Variants in PHF8 observed in about 807,000 individuals in gnomAD.
The protein encoded by PHF8 is histone lysine demethylase PHF8.
In PHF8, 9 loss-of-function variants were observed where a neutral mutation model predicts 74.4. That is an observed-to-expected ratio of 0.12 (90% CI 0.07 to 0.21). The LOEUF (loss-of-function observed/expected upper bound fraction) is 0.21, where lower values mean the gene tolerates loss of function less well. Ranked by LOEUF, PHF8 falls within the 10% of genes least tolerant of loss-of-function variation. The probability of loss-of-function intolerance (pLI) is 1.00; values close to 1 mark genes in which losing one functional copy is unlikely to be tolerated. For synonymous variants in PHF8, 311 were observed against 316.6 expected, an observed-to-expected ratio of 0.98 and a Z score of 0.19; for missense variants, 478 against 816.6, an observed-to-expected ratio of 0.59 and a Z score of 5.05.
intron 7 of PHF8, among the ~76,000 whole-genome samples, chrX:54,013,674 T>C (rs1183438512): frequency 9.1e-6 from 1 of 109,429 alleles, no homozygotes; most frequent in African/African-American, 3.3e-5. Flanking sequence ...AAAAATTAGC[T>C]AGGCGTGGTG....
At chrX:54,016,539 A>G (rs1169834608) in intron 6 of PHF8, 56 bp downstream of exon 6, 2 of 1,031,557 alleles carry the variant, frequency 1.9e-6, no homozygotes, top group Non-Finnish European at 2.7e-6. Flanking sequence ...CACTAGATAT[A>G]TCACACAAGT....
intron 20 of PHF8, among the ~76,000 whole-genome samples, chrX:53,941,908 T>C (rs2064756677): frequency 9.0e-6 from 1 of 111,730 alleles, no homozygotes; most frequent in Admixed American, 9.5e-5. Context: ...CCAAGCCATT[T>C]GGCTTCAGAA....
chrX:53,951,497 C>T lies in PHF8; in HGVS notation c.2540-7254G>A, dbSNP rs959344708. 5.1e-4 allele frequency among the ~76,000 whole-genome samples: 57 copies of T among 110,759 alleles called. 1 individual carries two copies. Among genetic ancestry groups the T allele is most frequent in the African/African-American group, 1.7e-3 (52 of 30,464 alleles). On this transcript the variant is annotated intron_variant, in intron 19 of 21. Transcript: ENST00000338154. Reference sequence around the variant, plus strand: ...ACGGAGTCTTGCTCCATTACCCAGGCTGGAGTGCAGTGGTGCAATCTCGGC... The same window carrying T: ...ACGGAGTCTTGCTCCATTACCCAGGTTGGAGTGCAGTGGTGCAATCTCGGC...
intron 19 of PHF8, among the ~76,000 whole-genome samples, chrX:53,949,793 CAG>C (rs1267719742): frequency 1.4e-5 from 1 of 72,909 alleles, no homozygotes; most frequent in African/African-American, 6.0e-5. Flanking sequence ...GCCTGGGTGA[CAG>C]AGCAAGACTC....
At chrX:54,011,877 A>AAG (rs1293486637) in intron 7 of PHF8, among the ~76,000 whole-genome samples, 1 of 109,932 alleles carries the variant, frequency 9.1e-6, no homozygotes, top group African/African-American at 3.3e-5. Context: ...AAAAAAAAAA[A>AAG]AAAAGAAAGA....
chrX:53,981,363 TAAG>T (rs1437405136), intron 18 of PHF8, among the ~76,000 whole-genome samples: 2 of 112,144 alleles, frequency 1.8e-5, no homozygotes, highest in Admixed American at 9.5e-5. Context: ...CTTAGCAACA[TAAG>T]AAGACATACA....
chrX:54,010,472 G>A (rs1040206271), intron 8 of PHF8, among the ~76,000 whole-genome samples: 4 of 112,122 alleles, frequency 3.6e-5, no homozygotes, highest in African/African-American at 1.3e-4. Flanking sequence ...TAAATTGAAT[G>A]TTAATTTAAA....
chrX:54,000,105 C>T (rs1557103910), intron 10 of PHF8, 144 bp from the exon 11 acceptor site: 1 of 503,526 alleles, frequency 2.0e-6, no homozygotes, highest in African/African-American at 2.3e-5. Flanking sequence ...AGTGTTCATT[C>T]ACTGAGTACC....
In PHF8 at chrX:54,044,051, C is replaced by G. The variant is rs1181843253; in HGVS notation, c.-382G>C. 2.6e-6 allele frequency: 2 copies of G among 755,352 alleles called. No individual in the cohort carries two copies. The highest frequency in any genetic ancestry group is 1.3e-4 in the South Asian group (2 of 14,952). 62.2% of individuals were successfully genotyped at this position (755,352 alleles called of 1,213,427 possible). ...CTCGCTCGCCTTCCCCTCGAGCCCCCCGCTGGGTCGCGCGGCGCCAGCCGC... is the reference window on the plus strand; with the variant it reads ...CTCGCTCGCCTTCCCCTCGAGCCCCGCGCTGGGTCGCGCGGCGCCAGCCGC... On this transcript the variant is annotated 5_prime_UTR_variant, in exon 1 of 22. Transcript: ENST00000338154.
chrX:53,955,185 A>T (rs782788094), intron 19 of PHF8, among the ~76,000 whole-genome samples: 1 of 111,473 alleles, frequency 9.0e-6, no homozygotes, highest in East Asian at 2.8e-4. Flanking sequence ...CAGTATTAGC[A>T]GTTTTTAGTT....
At chrX:53,988,314 GA>G (rs1261670904) in intron 14 of PHF8, among the ~76,000 whole-genome samples, 3 of 111,872 alleles carry the variant, frequency 2.7e-5, no homozygotes, top group Non-Finnish European at 3.8e-5. Flanking sequence ...GCAGCTCAGT[GA>G]GGGAAAGGAT....
At chrX:54,016,793 CTT>C (rs1456201991) in intron 5 of PHF8, 57 bp from the exon 6 acceptor site, 3 of 965,744 alleles carry the variant, frequency 3.1e-6, no homozygotes, top group Non-Finnish European at 4.4e-6. Flanking sequence ...GGAAGACTCT[CTT>C]GTCCCCTCAT....
At chrX:53,970,809 A>G (rs1459066367) in intron 18 of PHF8, among the ~76,000 whole-genome samples, 2 of 111,789 alleles carry the variant, frequency 1.8e-5, no homozygotes, top group Non-Finnish European at 3.8e-5. Context: ...TCCTAAATAT[A>G]TATGTACCCA....
chrX:53,985,099 C>T lies in PHF8; in HGVS notation c.2258G>A (p.Arg753Gln), dbSNP rs1263803925. Residue 753 changes from arginine (R) to glutamine (Q), a missense_variant, in exon 18 of 22, where the codon CGA becomes CAA. Transcript: ENST00000338154. Reference sequence around the variant, plus strand: ...CCCACTGCTGGAGCTCCCACTGCTTCGATCCTGTCCCCCAGTCCACCAGGC... The same window carrying T: ...CCCACTGCTGGAGCTCCCACTGCTTTGATCCTGTCCCCCAGTCCACCAGGC... The part of the protein sequence containing the change: ...LQAWWTGGQD[R>Q]SSGSSSSGLG... 2.5e-6 allele frequency: 3 copies of T among 1,210,643 alleles called. No homozygotes were observed. Among genetic ancestry groups the T allele is most frequent in the Middle Eastern group, 2.3e-4 (1 of 4,352 alleles).
chrX:53,985,316 T>C (rs1208907620), intron 17 of PHF8, 89 bp from the exon 18 acceptor site: 27 of 749,737 alleles, frequency 3.6e-5, no homozygotes, highest in Non-Finnish European at 5.2e-5. Flanking sequence ...GGAGGGATGA[T>C]AGCTATGAGG....
intron 20 of PHF8, among the ~76,000 whole-genome samples, chrX:53,940,969 TGAG>T (rs2064742297): frequency 8.9e-6 from 1 of 112,786 alleles, no homozygotes; most frequent in East Asian, 2.8e-4. Context: ...TTAAGTAACT[TGAG>T]CCCAAAGCCT....
intron 16 of PHF8, among the ~76,000 whole-genome samples, chrX:53,986,769 CA>C (rs1381036410): frequency 1.5e-4 from 16 of 109,333 alleles, no homozygotes; most frequent in African/African-American, 5.0e-4. Context: ...CCTATCTCTA[CA>C]AAAAAAAATT....
intron 18 of PHF8, among the ~76,000 whole-genome samples, chrX:53,983,316 A>G (rs1483185046): frequency 1.8e-5 from 2 of 112,191 alleles, no homozygotes; most frequent in Non-Finnish European, 3.8e-5. Context: ...ATACTCCAAC[A>G]CATCTAGAAT....
chrX:53,952,754 G>A (rs782351750), intron 19 of PHF8, among the ~76,000 whole-genome samples: 6 of 108,604 alleles, frequency 5.5e-5, no homozygotes, highest in Non-Finnish European at 1.1e-4. Context: ...GTGGTGGCAG[G>A]CGCCTGTAGT....
Sources: allele counts gnomAD v4.1 joint callset (sites outside exome capture counted in the v4.1 genomes callset), GRCh38; gene constraint gnomAD v4.1.1; transcripts MANE v1.5; gene names NCBI Gene and HGNC (gene_info 2026-07-23, HGNC 2026-07-21).